MGAT4C: variants seen among roughly 807,000 people sequenced by gnomAD.
MGAT4C encodes the protein MGAT4 family member C, also known as alpha-1,3-mannosyl-glycoprotein 4-beta-N-acetylglucosaminyltransferase C.
MGAT4C carries 19 observed loss-of-function variants against 40.1 expected under a neutral mutation model. The observed-to-expected ratio is 0.47, with a 90% CI of 0.33 to 0.70. The LOEUF (loss-of-function observed/expected upper bound fraction) is 0.70, where lower values mean the gene tolerates loss of function less well. Among genes scored for constraint, MGAT4C ranks in the 30% least tolerant of loss-of-function variants. MGAT4C has a pLI of 0.02. For synonymous variants in MGAT4C, 181 were observed against 187.1 expected (o/e 0.97, Z 0.27); for missense variants, 491 against 563.2 (o/e 0.87, Z 1.30).
rs191498410 is a variant in MGAT4C, at chr12:86,127,899, G to A, written c.-56-78176C>T. ...CTTTTCTTTTCTAATACCTCCTGAA[G>A]GATATTCCAGAGACTGTTTCACAGT... On this transcript the variant is annotated intron_variant, in intron 1 of 4. Transcript: ENST00000611864. 2.3e-3 allele frequency among the ~76,000 whole-genome samples: 351 copies of A among 152,050 alleles called. 3 individuals carry two copies. The highest frequency in any genetic ancestry group is 3.9e-3 in the Non-Finnish European group (263 of 67,986).
chr12:86,072,925 T>A (rs771773989), intron 1 of MGAT4C, among the ~76,000 whole-genome samples: 1 of 152,164 alleles, frequency 6.6e-6, no homozygotes, highest in Non-Finnish European at 1.5e-5. Flanking sequence ...ATTAACAGTA[T>A]TGTGATTTTG....
intron 2 of MGAT4C, among the ~76,000 whole-genome samples, chr12:86,503,836 A>G (rs1424131358): frequency 8.2e-6 from 1 of 122,422 alleles, no homozygotes; most frequent in African/African-American, 3.0e-5. Flanking sequence ...ATTTTCTGCT[A>G]AATTTTGCTA....
rs183151163 is a variant in MGAT4C, at chr12:86,632,168, C to T, written c.-229+95041G>A. Among the ~76,000 whole-genome samples, 1,330 of 152,192 alleles carry T rather than the reference C, an allele frequency of 8.7e-3. 11 individuals carry two copies. The highest frequency in any genetic ancestry group is 0.017 in the Middle Eastern group (5 of 294). The stretch of plus-strand genomic sequence containing the variant: ...ACACATGAAAAAATGCTCATCATCA[C>T]TGGTCATCAGAGAAATGGAAATCAA... On this transcript the variant is annotated intron_variant, in intron 2 of 7. Transcript: ENST00000548651.
chr12:86,023,760 A>G (rs1889998345), intron 2 of MGAT4C, among the ~76,000 whole-genome samples: 1 of 151,656 alleles, frequency 6.6e-6, no homozygotes, highest in African/African-American at 2.4e-5. Flanking sequence ...GAAATTGACT[A>G]TAATATTTGC....
In MGAT4C at chr12:86,612,269, C is replaced by G. The variant is rs190143731; in HGVS notation, c.-229+114940G>C. Among the ~76,000 whole-genome samples, 363 of 152,058 alleles carry G rather than the reference C, an allele frequency of 2.4e-3. 5 individuals carry two copies. The highest frequency in any genetic ancestry group is 0.02 in the Admixed American group (311 of 15,278). On this transcript the variant is annotated intron_variant, in intron 2 of 7. Coordinates refer to the MGAT4C transcript ENST00000548651. Reference sequence around the variant, plus strand: ...TGAATGATCCCCATATACTTATTTTCTCAACCTACTAAAATCATATGCATG... The same window carrying G: ...TGAATGATCCCCATATACTTATTTTGTCAACCTACTAAAATCATATGCATG...
At chr12:86,439,922 C>CCTGAAAACATACAACCCTCTT (rs1957198937) in intron 2 of MGAT4C, among the ~76,000 whole-genome samples, 1 of 150,686 alleles carries the variant, frequency 6.6e-6, no homozygotes, top group Admixed American at 6.6e-5. Context: ...TAGCTTGAAT[C>CCTGAAAACATACAACCCTCTT]AGGAAGAAAC....
intron 3 of MGAT4C, among the ~76,000 whole-genome samples, chr12:86,433,524 T>A (rs1957082137): frequency 6.6e-6 from 1 of 150,992 alleles, no homozygotes; most frequent in Non-Finnish European, 1.5e-5. Flanking sequence ...AGCAAATATA[T>A]TTTTTTTTAC....
At chr12:86,751,017 G>A (rs1420696843) in intron 1 of MGAT4C, among the ~76,000 whole-genome samples, 1 of 151,968 alleles carries the variant, frequency 6.6e-6, no homozygotes, top group Non-Finnish European at 1.5e-5. Context: ...TACCGTAAGA[G>A]CCTTGCACAT....
chr12:86,605,353 T>C lies in MGAT4C; in HGVS notation c.-229+121856A>G, dbSNP rs796859035. Among the ~76,000 whole-genome samples, 7 of 152,192 alleles carry C rather than the reference T, an allele frequency of 4.6e-5. No homozygotes were observed. The East Asian group carries it at 7.7e-4, about 17-fold the overall frequency. ...TCCTTCATCTTTGGAATTATGATCA[T>C]TGTTCTTTCACCCGTTTACTGAGTA... On this transcript the variant is annotated intron_variant, in intron 2 of 7. Transcript: ENST00000548651.
chr12:86,048,246 G>C (rs1212705754), intron 2 of MGAT4C, among the ~76,000 whole-genome samples: 1 of 152,154 alleles, frequency 6.6e-6, no homozygotes, highest in Non-Finnish European at 1.5e-5. Context: ...AGTTATAAGT[G>C]GGGGCTAAAC....
chr12:86,829,197 G>T (rs2254436), intron 1 of MGAT4C, among the ~76,000 whole-genome samples: 3 of 151,364 alleles, frequency 2.0e-5, no homozygotes, highest in African/African-American at 7.3e-5. Flanking sequence ...AATAATATGA[G>T]AAATTGTTTT....
intron 3 of MGAT4C, among the ~76,000 whole-genome samples, chr12:86,374,250 A>C (rs1308946765): frequency 6.6e-6 from 1 of 152,144 alleles, no homozygotes; most frequent in African/African-American, 2.4e-5. Context: ...GTTTCAAGCA[A>C]AGGATTTCAA....
intron 1 of MGAT4C, among the ~76,000 whole-genome samples, chr12:86,232,029 C>A (rs1369166238): frequency 6.6e-6 from 1 of 151,910 alleles, no homozygotes; most frequent in Admixed American, 6.6e-5. Flanking sequence ...GGAATCCCAG[C>A]TACTCAGAAG....
intron 1 of MGAT4C, among the ~76,000 whole-genome samples, chr12:86,741,275 A>G (rs1175195698): frequency 1.3e-5 from 2 of 151,444 alleles, no homozygotes; most frequent in East Asian, 3.9e-4. Context: ...AATTTAAAAT[A>G]AAGACATTTA....
chr12:86,317,160 A>G (rs1361683821), intron 4 of MGAT4C, among the ~76,000 whole-genome samples: 1 of 152,256 alleles, frequency 6.6e-6, no homozygotes, highest in East Asian at 1.9e-4. Context: ...TTTATAGTCA[A>G]TCTATTCACA....
At chr12:86,821,521 C>T (rs1388624593) in intron 1 of MGAT4C, among the ~76,000 whole-genome samples, 1 of 150,782 alleles carries the variant, frequency 6.6e-6, no homozygotes, top group Non-Finnish European at 1.5e-5. Context: ...TAATTCCACT[C>T]TTTTAGTTAT....
Position 86,184,561 on chromosome 12 carries a change from G to A in MGAT4C, c.-57+71678C>T, listed in dbSNP as rs75893976. On this transcript the variant is annotated intron_variant, in intron 1 of 4. Transcript: ENST00000611864. ...GTGAGGCTACAGAGAGGGGTGGAAA[G>A]GGTTATTAGTTTTGAAGTCAACTGG... 6.9e-3 allele frequency among the ~76,000 whole-genome samples: 1,051 copies of A among 151,790 alleles called. 13 individuals carry two copies. The highest frequency in any genetic ancestry group is 0.025 in the African/African-American group (1,015 of 41,364).
chr12:86,061,650 G>A (rs7966161), intron 1 of MGAT4C, among the ~76,000 whole-genome samples: 5 of 152,024 alleles, frequency 3.3e-5, no homozygotes, highest in African/African-American at 1.2e-4. Context: ...CCAGCACAGC[G>A]GTCTGAGGTC....
chr12:86,396,261 G>T lies in MGAT4C; in HGVS notation c.-120+38896C>A, dbSNP rs190265802. Among the ~76,000 whole-genome samples the T allele has an allele frequency of 1.8e-3, 272 of 152,252 alleles. 1 individual carries two copies. The highest frequency in any genetic ancestry group is 6.1e-3 in the African/African-American group (253 of 41,548). On this transcript the variant is annotated intron_variant, in intron 3 of 7. Transcript: ENST00000548651. ...AAGTTATTGTGAGTTTATTTATTCT[G>T]GAGTGAAGCATGTCTCTTAATACTT...
Sources: gnomAD v4.1 joint callset for allele counts (sites outside exome capture counted in the v4.1 genomes callset) on GRCh38, gnomAD v4.1.1 for gene constraint, MANE v1.5 for transcripts, NCBI Gene and HGNC (gene_info 2026-07-23, HGNC 2026-07-21) for gene names.